The following FGF14 variants were observed in gnomAD, a reference collection of about 807,000 sequenced individuals.
FGF14 encodes the protein fibroblast growth factor homologous factor 4.
FGF14 carries 5 observed loss-of-function variants against 25.5 expected under a neutral mutation model. The ratio of observed to expected loss-of-function variants is 0.20; its 90% CI spans 0.10 to 0.41. The LOEUF (loss-of-function observed/expected upper bound fraction) is 0.41, where lower values mean the gene tolerates loss of function less well. Ranked by LOEUF, FGF14 falls within the 10% of genes least tolerant of loss-of-function variation. FGF14 has a pLI of 1.00. For synonymous variants in FGF14, 138 were observed against 118.3 expected (o/e 1.17, Z -1.08); for missense variants, 222 against 320.1 (o/e 0.69, Z 2.34).
At chr13:102,115,156 T>C (rs934135043) in intron 1 of FGF14, among the ~76,000 whole-genome samples, 5 of 152,120 alleles carry the variant, frequency 3.3e-5, no homozygotes, top group African/African-American at 1.2e-4. Context: ...CACAGTTGCT[T>C]ATGCATGAAT....
At chr13:101,757,055 G>C (rs2037715458) in intron 3 of FGF14, among the ~76,000 whole-genome samples, 2 of 152,118 alleles carry the variant, frequency 1.3e-5, no homozygotes, top group Non-Finnish European at 2.9e-5. Flanking sequence ...TAGCAGAGGA[G>C]TTATAACACA....
At chr13:102,154,177 T>C (rs1337626465) in intron 1 of FGF14, among the ~76,000 whole-genome samples, 1 of 151,984 alleles carries the variant, frequency 6.6e-6, no homozygotes, top group African/African-American at 2.4e-5. Context: ...GCCACAAAGA[T>C]ACTCCCCGAG....
At chr13:102,355,199 T>C (rs1474591370) in intron 1 of FGF14, among the ~76,000 whole-genome samples, 1 of 152,192 alleles carries the variant, frequency 6.6e-6, no homozygotes, top group Non-Finnish European at 1.5e-5. Context: ...TAGACTGACA[T>C]GTTTTCTAAC....
intron 1 of FGF14, among the ~76,000 whole-genome samples, chr13:102,347,211 G>T (rs2057135569): frequency 6.6e-6 from 1 of 152,142 alleles, no homozygotes; most frequent in Admixed American, 6.5e-5. Context: ...CAATATTGAG[G>T]TCCTTCTAGG....
At chr13:101,888,535 T>C (rs960521873) in intron 1 of FGF14, among the ~76,000 whole-genome samples, 2 of 152,140 alleles carry the variant, frequency 1.3e-5, no homozygotes, top group Non-Finnish European at 2.9e-5. Context: ...TTCAATATGA[T>C]TCCTACTGAC....
At chr13:101,779,466 C>T (rs1017565255) in intron 3 of FGF14, among the ~76,000 whole-genome samples, 3 of 152,122 alleles carry the variant, frequency 2.0e-5, no homozygotes, top group Non-Finnish European at 4.4e-5. Flanking sequence ...ATGAATATTT[C>T]AGCGACTAAG....
chr13:101,985,073 T>C (rs1048428939), intron 1 of FGF14, among the ~76,000 whole-genome samples: 9 of 111,514 alleles, frequency 8.1e-5, no homozygotes, highest in Admixed American at 5.5e-4. Flanking sequence ...TCAAGGGTTT[T>C]TTTTTTGTTT....
intron 1 of FGF14, among the ~76,000 whole-genome samples, chr13:102,351,264 C>T (rs999383192): frequency 6.6e-6 from 1 of 152,092 alleles, no homozygotes; most frequent in Non-Finnish European, 1.5e-5. Context: ...CCCAGGATTT[C>T]CCTTTGGAAC....
chr13:101,727,039 GAAAAC>G (rs1460233436), intron 3 of FGF14, among the ~76,000 whole-genome samples: 1 of 151,964 alleles, frequency 6.6e-6, no homozygotes, highest in Non-Finnish European at 1.5e-5. Context: ...TATATCATAA[GAAAAC>G]AATACATGAG....
chr13:101,811,937 A>G (rs947602569), intron 3 of FGF14, among the ~76,000 whole-genome samples: 1 of 152,182 alleles, frequency 6.6e-6, no homozygotes, highest in African/African-American at 2.4e-5. Context: ...GTAATTTTGT[A>G]AAGCTTAAAT....
chr13:102,116,739 T>A (rs186225110), intron 1 of FGF14, among the ~76,000 whole-genome samples: 1 of 152,326 alleles, frequency 6.6e-6, no homozygotes, highest in Admixed American at 6.5e-5. Flanking sequence ...TAGAAACACA[T>A]AGTGGAGATG....
intron 1 of FGF14, among the ~76,000 whole-genome samples, chr13:101,962,616 C>T (rs1281139102): frequency 6.6e-6 from 1 of 152,086 alleles, no homozygotes; most frequent in East Asian, 1.9e-4. Flanking sequence ...AAATAAAGTT[C>T]ATTTTCACTG....
At chr13:101,743,667 C>T (rs779369771) in intron 3 of FGF14, among the ~76,000 whole-genome samples, 50 of 152,178 alleles carry the variant, frequency 3.3e-4, no homozygotes, top group Middle Eastern at 3.4e-3. Context: ...ACATATACAA[C>T]GAAGCAATGT....
At chr13:102,321,719 C>G (rs1449572733) in intron 1 of FGF14, among the ~76,000 whole-genome samples, 3 of 152,136 alleles carry the variant, frequency 2.0e-5, no homozygotes, top group African/African-American at 7.2e-5. Flanking sequence ...TACAACAAAA[C>G]TAGATTCCAC....
At chr13:101,954,107 G>T (rs1352120473) in intron 1 of FGF14, among the ~76,000 whole-genome samples, 3 of 152,122 alleles carry the variant, frequency 2.0e-5, no homozygotes, top group East Asian at 1.9e-4. Flanking sequence ...TAAAAGCAAG[G>T]TCGGATTAGG....
chr13:102,085,965 T>C (rs992881082), intron 1 of FGF14, among the ~76,000 whole-genome samples: 1 of 152,224 alleles, frequency 6.6e-6, no homozygotes, highest in Admixed American at 6.5e-5. Context: ...TTCTTAGCTG[T>C]ATTAAATTGT....
intron 1 of FGF14, among the ~76,000 whole-genome samples, chr13:101,940,760 A>G (rs576640947): frequency 6.6e-6 from 1 of 152,286 alleles, no homozygotes; most frequent in African/African-American, 2.4e-5. Flanking sequence ...CCTCCTCTAC[A>G]GTGTAAATTC....
chr13:101,815,178 G>A (rs2984833), intron 3 of FGF14, among the ~76,000 whole-genome samples: 2 of 151,976 alleles, frequency 1.3e-5, no homozygotes, highest in Non-Finnish European at 2.9e-5. Context: ...GAAAAGATGG[G>A]AGTCTACAGT....
chr13:102,044,073 C>T (rs1268597675), intron 1 of FGF14, among the ~76,000 whole-genome samples: 3 of 152,222 alleles, frequency 2.0e-5, no homozygotes, highest in Non-Finnish European at 4.4e-5. Flanking sequence ...GCCAGCCATG[C>T]TAACTTGTCT....
Sources: allele counts gnomAD v4.1 joint callset (sites outside exome capture counted in the v4.1 genomes callset), GRCh38; gene constraint gnomAD v4.1.1; transcripts MANE v1.5; gene names NCBI Gene and HGNC (gene_info 2026-07-23, HGNC 2026-07-21).